Variants in SAMD12 observed in about 807,000 individuals in gnomAD.
SAMD12 encodes sterile alpha motif domain containing 12.
SAMD12 carries 9 observed loss-of-function variants against 15.0 expected under a neutral mutation model. That is an observed-to-expected ratio of 0.60 (90% confidence interval 0.36 to 1.05). The LOEUF is 1.05. Ranked by LOEUF, SAMD12 falls within the 50% of genes least tolerant of loss-of-function variation. SAMD12 has a pLI of 0.01. For missense variants in SAMD12, 230 were observed against 234.2 expected (o/e 0.98, Z 0.12); for synonymous variants, 86 against 90.1 (o/e 0.96, Z 0.25).
At chr8:118,247,532 A>G (rs1464271755) in intron 4 of SAMD12, among the ~76,000 whole-genome samples, 1 of 152,068 alleles carries the variant, frequency 6.6e-6, no homozygotes, top group African/African-American at 2.4e-5. Flanking sequence ...TATTACATAA[A>G]TATATACAAT....
chr8:118,159,227 A>G, the SAMD12 span, among the ~76,000 whole-genome samples: 2 of 152,118 alleles, frequency 1.3e-5, no homozygotes, highest in Admixed American at 6.5e-5. Context: ...TGGTGTCTCC[A>G]AGCTCCTGGG....
At chr8:118,448,560 C>T (rs1241101736) in intron 2 of SAMD12, among the ~76,000 whole-genome samples, 2 of 152,226 alleles carry the variant, frequency 1.3e-5, no homozygotes, top group Admixed American at 1.3e-4. Flanking sequence ...TGTCAGAAAA[C>T]TGGTTCAGGT....
At chr8:118,501,567 T>C (rs943782679) in intron 2 of SAMD12, among the ~76,000 whole-genome samples, 5 of 152,208 alleles carry the variant, frequency 3.3e-5, no homozygotes, top group African/African-American at 1.2e-4. Flanking sequence ...GCCCTCTGAG[T>C]GGCATTTGGA....
intron 4 of SAMD12, among the ~76,000 whole-genome samples, chr8:118,201,938 G>A (rs1819727053): frequency 6.6e-6 from 1 of 152,230 alleles, no homozygotes; most frequent in South Asian, 2.1e-4. Flanking sequence ...TGGCTTCAGA[G>A]TCTGGGATGA....
intron 3 of SAMD12, among the ~76,000 whole-genome samples, chr8:118,423,466 T>C (rs1822103480): frequency 6.6e-6 from 1 of 152,136 alleles, no homozygotes; most frequent in African/African-American, 2.4e-5. Flanking sequence ...AGTTTAACGT[T>C]TATCTTGAGA....
At chr8:118,518,229 G>T (rs1436596795) in intron 2 of SAMD12, among the ~76,000 whole-genome samples, 1 of 152,078 alleles carries the variant, frequency 6.6e-6, no homozygotes, top group Non-Finnish European at 1.5e-5. Context: ...ACACAGAATG[G>T]GTTTCCTATA....
chr8:118,347,667 C>T (rs1817730934), intron 4 of SAMD12, among the ~76,000 whole-genome samples: 1 of 152,194 alleles, frequency 6.6e-6, no homozygotes, highest in African/African-American at 2.4e-5. Flanking sequence ...AAAAAGAACA[C>T]TTATAACATC....
chr8:118,472,548 G>A (rs1260352371), intron 2 of SAMD12, among the ~76,000 whole-genome samples: 3 of 152,028 alleles, frequency 2.0e-5, no homozygotes, highest in Non-Finnish European at 4.4e-5. Flanking sequence ...GGCAGCCTGC[G>A]CCTGTATTCC....
chr8:118,580,895 T>G lies in SAMD12; in HGVS notation c.14-2A>C. On this transcript the variant is annotated splice_acceptor_variant, in intron 1 of 3. Transcript: ENST00000314727. LOFTEE classifies it high-confidence loss of function. The stretch of plus-strand genomic sequence containing the variant: ...GTGGATTCAAACCACAGTGGAGAGC[T>G]AGGAAAAAGCAACAAATAGAACTCA... The G allele has an allele frequency of 6.3e-7, 1 of 1,599,916 alleles. No individual in the cohort carries two copies. Among genetic ancestry groups the G allele is most frequent in the South Asian group, 1.1e-5 (1 of 88,248 alleles).
intron 4 of SAMD12, among the ~76,000 whole-genome samples, chr8:118,310,701 C>T (rs575066288): frequency 7.2e-5 from 11 of 152,308 alleles, no homozygotes; most frequent in South Asian, 6.2e-4. Context: ...CAATGTCAGA[C>T]GGGTGGTCTT....
chr8:118,160,403 A>G, the SAMD12 span, among the ~76,000 whole-genome samples: 1 of 152,194 alleles, frequency 6.6e-6, no homozygotes, highest in South Asian at 2.1e-4. Flanking sequence ...CAATTTTCAA[A>G]ACGAAAAACA....
intron 2 of SAMD12, among the ~76,000 whole-genome samples, chr8:118,469,197 C>T (rs927019829): frequency 6.6e-6 from 1 of 151,644 alleles, no homozygotes; most frequent in Non-Finnish European, 1.5e-5. Context: ...TTGTTGTGTA[C>T]TTTTTTTGTG....
At chr8:118,376,659 C>A (rs1800006973), downstream of SAMD12, among the ~76,000 whole-genome samples, 1 of 152,100 alleles carries the variant, frequency 6.6e-6, no homozygotes, top group Admixed American at 6.6e-5. Flanking sequence ...AGAGTGACAG[C>A]CCCACGTGAG....
At chr8:118,165,184 A>G in the SAMD12 span, among the ~76,000 whole-genome samples, 1 of 152,118 alleles carries the variant, frequency 6.6e-6, no homozygotes, top group East Asian at 1.9e-4. Context: ...CTTCTGACTG[A>G]CAGGCTATAA....
chr8:118,197,627 A>C (rs1207661010), exon 5 of SAMD12: 1 of 1,105,616 alleles, frequency 9.0e-7, no homozygotes, highest in Non-Finnish European at 1.4e-6. Context: ...ATCTTCTGGC[A>C]GTGCCATGGG....
chr8:118,184,954 T>G (rs1819218675), downstream of SAMD12, among the ~76,000 whole-genome samples: 1 of 151,976 alleles, frequency 6.6e-6, no homozygotes, highest in Non-Finnish European at 1.5e-5. Context: ...CTGATTCCAT[T>G]GTATCCAAGA....
intron 2 of SAMD12, among the ~76,000 whole-genome samples, chr8:118,526,578 GAA>G (rs1192142662): frequency 1.3e-5 from 2 of 152,124 alleles, no homozygotes; most frequent in African/African-American, 4.8e-5. Flanking sequence ...GGAATTTAAT[GAA>G]AAGACTATTT....
intron 2 of SAMD12, among the ~76,000 whole-genome samples, chr8:118,486,169 C>T (rs1377197378): frequency 1.3e-5 from 2 of 152,098 alleles, no homozygotes; most frequent in African/African-American, 2.4e-5. Context: ...AATCCCAGCA[C>T]TTTGGGAGGC....
chr8:118,283,142 T>TA (rs1448542677), intron 4 of SAMD12, among the ~76,000 whole-genome samples: 6 of 152,326 alleles, frequency 3.9e-5, no homozygotes, highest in African/African-American at 1.2e-4. Flanking sequence ...TAATTTTTTT[T>TA]ATTATACTTT....
Sources: allele counts gnomAD v4.1 joint callset (sites outside exome capture counted in the v4.1 genomes callset), GRCh38; gene constraint gnomAD v4.1.1; transcripts MANE v1.5; gene names NCBI Gene and HGNC (gene_info 2026-07-23, HGNC 2026-07-21).